Variants in FAM3D observed in about 807,000 individuals in gnomAD.
The protein encoded by FAM3D is protein FAM3D.
A neutral mutation model predicts 29.8 loss-of-function variants in FAM3D; 26 were observed. The observed-to-expected ratio is 0.87, with a 90% confidence interval of 0.64 to 1.21. FAM3D has a LOEUF of 1.21. Among genes scored for constraint, FAM3D ranks in the 50% most tolerant of loss-of-function variants. FAM3D has a pLI of 0.00. For missense variants in FAM3D, 253 were observed against 290.9 expected, an observed-to-expected ratio of 0.87 and a Z score of 0.95; for synonymous variants, 115 against 102.3, an observed-to-expected ratio of 1.12 and a Z score of -0.75.
At chr3:58,658,984 C>T (rs2066879836) in intron 1 of FAM3D, among the ~76,000 whole-genome samples, 1 of 152,174 alleles carries the variant, frequency 6.6e-6, no homozygotes, top group East Asian at 1.9e-4. Context: ...GCAGCGAAAA[C>T]CTGTGATACT....
chr3:58,666,078 C>T (rs894788356), intron 1 of FAM3D, among the ~76,000 whole-genome samples: 7 of 152,172 alleles, frequency 4.6e-5, no homozygotes, highest in Non-Finnish European at 8.8e-5. Context: ...GGCCAAAGAA[C>T]AACATTCCTT....
At chr3:58,646,977 C>A (rs974680898) in intron 4 of FAM3D, among the ~76,000 whole-genome samples, 3 of 152,112 alleles carry the variant, frequency 2.0e-5, no homozygotes, top group Non-Finnish European at 4.4e-5. Context: ...AAAATGCACC[C>A]CTCTGGAGGG....
chr3:58,649,689 CAT>C (rs919800952), intron 3 of FAM3D, among the ~76,000 whole-genome samples: 1 of 152,126 alleles, frequency 6.6e-6, no homozygotes, highest in African/African-American at 2.4e-5. Context: ...CAGACATACA[CAT>C]GTGTGTGCAT....
chr3:58,655,650 T>C, intron 1 of FAM3D, 49 bp from the exon 2 acceptor site: 3 of 1,479,492 alleles, frequency 2.0e-6, no homozygotes, highest in Non-Finnish European at 2.8e-6. Context: ...GGTCTGCAAG[T>C]GATCAAGCCT....
At chr3:58,661,490 C>G (rs554894377) in intron 1 of FAM3D, among the ~76,000 whole-genome samples, 93 of 152,316 alleles carry the variant, frequency 6.1e-4, no homozygotes, top group African/African-American at 2.2e-3. Context: ...AGATCATCCT[C>G]TGAAGGTGCC....
At chr3:58,641,055 C>G in intron 6 of FAM3D, among the ~76,000 whole-genome samples, 1 of 152,010 alleles carries the variant, frequency 6.6e-6, no homozygotes, top group East Asian at 1.9e-4. Flanking sequence ...GTGGGGGTGG[C>G]GGCCAGCATA....
chr3:58,641,009 G>A (rs937039066), intron 6 of FAM3D, among the ~76,000 whole-genome samples: 1 of 152,070 alleles, frequency 6.6e-6, no homozygotes, highest in Non-Finnish European at 1.5e-5. Context: ...GATCGCGTGC[G>A]CTTGTGAATG....
chr3:58,658,049 G>C (rs1279112358), intron 1 of FAM3D, among the ~76,000 whole-genome samples: 1 of 152,124 alleles, frequency 6.6e-6, no homozygotes, highest in African/African-American at 2.4e-5. Flanking sequence ...TGGGGACAAG[G>C]TGGGGTTGGT....
chr3:58,656,299 A>G (rs924787250), intron 1 of FAM3D, among the ~76,000 whole-genome samples: 2 of 152,216 alleles, frequency 1.3e-5, no homozygotes, highest in Non-Finnish European at 2.9e-5. Context: ...AGCAAGACCC[A>G]CCATGGCTAA....
intron 9 of FAM3D, 101 bp downstream of exon 9, chr3:58,636,193 C>T (rs2066164898): frequency 6.7e-7 from 1 of 1,501,094 alleles, no homozygotes; most frequent in Non-Finnish European, 8.9e-7. Context: ...GACAATCCTC[C>T]CAATTTTAAG....
intron 1 of FAM3D, among the ~76,000 whole-genome samples, chr3:58,656,948 C>T (rs1263434215): frequency 6.6e-6 from 1 of 152,296 alleles, no homozygotes; most frequent in Admixed American, 6.5e-5. Context: ...CAAAACCACA[C>T]CTCCTCTTGT....
chr3:58,660,387 T>G (rs1401877209), intron 1 of FAM3D, among the ~76,000 whole-genome samples: 1 of 152,162 alleles, frequency 6.6e-6, no homozygotes, highest in African/African-American at 2.4e-5. Flanking sequence ...CCCAGGCCTG[T>G]GTGAAGGAAT....
chr3:58,653,809 G>A (rs2066715644), intron 2 of FAM3D, 28 bp from the exon 3 acceptor site: 2 of 1,582,632 alleles, frequency 1.3e-6, no homozygotes, highest in East Asian at 4.5e-5. Context: ...GCTGCCAGGA[G>A]ACCACAGAGC....
chr3:58,641,212 G>A (rs1474723563), intron 6 of FAM3D, among the ~76,000 whole-genome samples: 1 of 152,214 alleles, frequency 6.6e-6, no homozygotes, highest in Admixed American at 6.5e-5. Flanking sequence ...GGCATACATA[G>A]CACGCATGTA....
chr3:58,657,089 A>C (rs1164372381), intron 1 of FAM3D, among the ~76,000 whole-genome samples: 1 of 152,136 alleles, frequency 6.6e-6, no homozygotes, highest in Admixed American at 6.6e-5. Flanking sequence ...TCAGATTACC[A>C]GCTTCTTTTT....
chr3:58,638,573 C>T (rs2066240168), intron 7 of FAM3D, among the ~76,000 whole-genome samples: 1 of 152,192 alleles, frequency 6.6e-6, no homozygotes, highest in Admixed American at 6.5e-5. Flanking sequence ...AATGAAAATG[C>T]AGGGCCTTTT....
intron 3 of FAM3D, among the ~76,000 whole-genome samples, chr3:58,651,919 G>A (rs2066648345): frequency 6.6e-6 from 1 of 152,190 alleles, no homozygotes; most frequent in Non-Finnish European, 1.5e-5. Context: ...GAACATGCTT[G>A]ACAAGAAGCA....
chr3:58,636,142 C>A, intron 9 of FAM3D, 152 bp downstream of exon 9: 1 of 1,272,916 alleles, frequency 7.9e-7, no homozygotes, highest in East Asian at 2.4e-5. Context: ...ATCAGACCAC[C>A]CTGGCCTTTG....
chr3:58,645,666 A>AT, intron 4 of FAM3D, 40 bp from the exon 5 acceptor site: 1 of 1,555,914 alleles, frequency 6.4e-7, no homozygotes, highest in Non-Finnish European at 8.9e-7. Context: ...GCAGAAGCTC[A>AT]GGAGGTACTT....
Sources: allele counts gnomAD v4.1 joint callset (sites outside exome capture counted in the v4.1 genomes callset), GRCh38; gene constraint gnomAD v4.1.1; transcripts MANE v1.5; gene names NCBI Gene and HGNC (gene_info 2026-07-23, HGNC 2026-07-21).